The following ST7L variants were observed in gnomAD, a reference collection of about 807,000 sequenced individuals.
The protein encoded by ST7L is suppression of tumorigenicity 7 like, also known as suppressor of tumorigenicity 7 protein-like.
A neutral mutation model predicts 72.5 loss-of-function variants in ST7L; 57 were observed. The ratio of observed to expected loss-of-function variants is 0.79; its 90% CI spans 0.64 to 0.98. ST7L has a LOEUF of 0.98. Ranked by LOEUF, ST7L falls within the 50% of genes least tolerant of loss-of-function variation. The probability of loss-of-function intolerance (pLI) is 0.00; values close to 1 mark genes in which losing one functional copy is unlikely to be tolerated. For synonymous variants in ST7L, 221 were observed against 240.9 expected (o/e 0.92, Z 0.77); for missense variants, 576 against 672.2 (o/e 0.86, Z 1.58).
chr1:112,587,666 C>T (rs182025651), intron 6 of ST7L, among the ~76,000 whole-genome samples: 12 of 152,308 alleles, frequency 7.9e-5, no homozygotes, highest in African/African-American at 1.2e-4. Flanking sequence ...TCTGGAATCT[C>T]AATTTGAATC....
intron 12 of ST7L, among the ~76,000 whole-genome samples, chr1:112,555,131 TTA>T (rs930712051): frequency 2.3e-4 from 35 of 152,208 alleles, no homozygotes; most frequent in African/African-American, 8.0e-4. Context: ...AAACTAAATT[TTA>T]TGTTGTATAT....
intron 14 of ST7L, among the ~76,000 whole-genome samples, chr1:112,531,924 C>G (rs1654452694): frequency 6.6e-6 from 1 of 152,180 alleles, no homozygotes; most frequent in Admixed American, 6.5e-5. Flanking sequence ...AGCCAACATT[C>G]AAAGAAGACT....
intron 5 of ST7L, 114 bp downstream of exon 5, chr1:112,597,857 C>A: frequency 1.6e-6 from 1 of 613,374 alleles, no homozygotes; most frequent in South Asian, 5.2e-5. Flanking sequence ...ATAATATAAA[C>A]AACTCCAAGC....
intron 3 of ST7L, among the ~76,000 whole-genome samples, chr1:112,602,958 T>G (rs1344635179): frequency 6.6e-6 from 1 of 151,926 alleles, no homozygotes; most frequent in Non-Finnish European, 1.5e-5. Flanking sequence ...GACCTCGTGA[T>G]CCACCCGTCT....
chr1:112,550,404 T>G (rs1449792590), intron 13 of ST7L, among the ~76,000 whole-genome samples, 197 bp downstream of exon 13: 1 of 152,196 alleles, frequency 6.6e-6, no homozygotes, highest in African/African-American at 2.4e-5. Flanking sequence ...TGTCCTTTGT[T>G]GCATCTAGCA....
intron 11 of ST7L, among the ~76,000 whole-genome samples, chr1:112,564,670 G>A (rs1660673602): frequency 6.6e-6 from 1 of 151,708 alleles, no homozygotes; most frequent in South Asian, 2.1e-4. Flanking sequence ...TACAAAAATT[G>A]CCCAGGTGTG....
At chr1:112,532,905 A>G (rs931616771) in intron 14 of ST7L, among the ~76,000 whole-genome samples, 3 of 152,212 alleles carry the variant, frequency 2.0e-5, no homozygotes, top group Non-Finnish European at 4.4e-5. Context: ...AATTACTAGA[A>G]GTACCTCTGC....
chr1:112,550,485 A>T (rs946575193), intron 13 of ST7L, 116 bp downstream of exon 13: 2 of 668,074 alleles, frequency 3.0e-6, no homozygotes, highest in South Asian at 4.6e-5. Flanking sequence ...TGGCTAAAAT[A>T]GTATTTAAAC....
intron 12 of ST7L, among the ~76,000 whole-genome samples, chr1:112,552,779 A>C (rs1183412886): frequency 6.6e-6 from 1 of 152,134 alleles, no homozygotes; most frequent in Non-Finnish European, 1.5e-5. Context: ...ACACTAATAA[A>C]TCATTGATCA....
intron 11 of ST7L, among the ~76,000 whole-genome samples, chr1:112,568,815 G>C (rs1311160735): frequency 6.8e-6 from 1 of 146,326 alleles, no homozygotes; most frequent in African/African-American, 2.5e-5. Flanking sequence ...TTTGAGACGA[G>C]CCCGGGCAAC....
At chr1:112,529,924 T>A (rs1654100128) in intron 14 of ST7L, 1 of 152,180 alleles carries the variant, frequency 6.6e-6, no homozygotes, top group Non-Finnish European at 1.5e-5. Context: ...GATGAATGGA[T>A]GAAAGTGGGC....
Position 112,584,078 on chromosome 1 carries a change from A to C in ST7L, c.750T>G (p.Ile250Met). ...GTTTAAATAACCTTTCAGCATCTAC[A>C]ATAGTTGTTGCTTCTTCCTCAGCCA... ...VLLAEEEATT[I>M]VDAERLFKQA... The change falls in exon 7 of 15, where the codon ATT becomes ATG. Residue 250 changes from isoleucine (I) to methionine (M), a missense_variant. By Grantham distance (10) the Ile-to-Met change is conservative. Around this residue, in one of 3 missense-constraint regions of ST7L, gnomAD observed 511 missense variants for 600.7 expected, o/e 0.85. Transcript: ENST00000358039. The C allele has an allele frequency of 6.2e-7, 1 of 1,614,070 alleles. No individual in the cohort carries two copies. Among genetic ancestry groups the C allele is most frequent in the Non-Finnish European group, 8.5e-7 (1 of 1,180,002 alleles).
At chr1:112,534,768 G>C (rs1401062588) in intron 14 of ST7L, among the ~76,000 whole-genome samples, 1 of 152,122 alleles carries the variant, frequency 6.6e-6, no homozygotes, top group African/African-American at 2.4e-5. Flanking sequence ...AATGGGTTTC[G>C]AATGAGTGAT....
At position 112,582,453 on chromosome 1, in the gene ST7L, C is replaced by A. The variant is rs756707779; in HGVS notation, c.876G>T (p.Leu292=). Residue 292 remains leucine, a synonymous_variant, in exon 8 of 15, where the codon CTG becomes CTT. Coordinates refer to ENST00000358039, the MANE Select transcript of ST7L (RefSeq NM_017744.5). ...EAQLRRDTNV[L]VYIKRRLAMC... ...TTGCCAATCTTCTTTTAATATATACCAGTACATTGGTATCTCTCCCTATTT... is the reference window on the plus strand; with the variant it reads ...TTGCCAATCTTCTTTTAATATATACAAGTACATTGGTATCTCTCCCTATTT... 6.2e-7 allele frequency: 1 copy of A among 1,604,384 alleles called. No homozygotes were observed. Among genetic ancestry groups the A allele is most frequent in the Admixed American group, 1.7e-5 (1 of 59,742 alleles).
chr1:112,535,676 T>C (rs569067202), intron 14 of ST7L, among the ~76,000 whole-genome samples: 2 of 151,322 alleles, frequency 1.3e-5, no homozygotes, highest in South Asian at 2.1e-4. Context: ...TGAGCCGAGA[T>C]GGCACCACTG....
intron 3 of ST7L, among the ~76,000 whole-genome samples, chr1:112,609,945 GA>G (rs1313387583): frequency 2.0e-5 from 3 of 152,016 alleles, no homozygotes; most frequent in Non-Finnish European, 4.4e-5. Context: ...TAAGTATACT[GA>G]AAAAAATTTT....
At chr1:112,532,273 C>T (rs896360107) in intron 14 of ST7L, among the ~76,000 whole-genome samples, 2 of 152,226 alleles carry the variant, frequency 1.3e-5, no homozygotes, top group African/African-American at 4.8e-5. Context: ...TTCTATCTCA[C>T]TGTGACTGAA....
intron 11 of ST7L, among the ~76,000 whole-genome samples, chr1:112,557,254 C>G (rs541512111): frequency 2.6e-3 from 397 of 152,232 alleles, no homozygotes; most frequent in Non-Finnish European, 4.1e-3. Flanking sequence ...CACTTCTCCC[C>G]TAGTCCCCCA....
In ST7L at chr1:112,603,320, G is replaced by A. The variant is rs560655392; in HGVS notation, c.452-2472C>T. 6.6e-5 allele frequency among the ~76,000 whole-genome samples: 10 copies of A among 152,126 alleles called. No individual in the cohort carries two copies. In the South Asian group the frequency reaches 8.3e-4, roughly 13 times the overall value. ...AATGTATGATATAAAATTATGCATC[G>A]GTAAAAGATCCATTCAAAATGTTAA... On this transcript the variant is annotated intron_variant, in intron 3 of 14. Transcript: ENST00000358039.
Sources: gnomAD v4.1 joint callset for allele counts (sites outside exome capture counted in the v4.1 genomes callset) on GRCh38, gnomAD v4.1.1 for gene constraint, gnomAD v4.1.1 regional missense constraint, MANE v1.5 for transcripts, NCBI Gene and HGNC (gene_info 2026-07-23, HGNC 2026-07-21) for gene names.